Variants in LIME1 observed in about 807,000 individuals in gnomAD.
LIME1 encodes Lck interacting transmembrane adaptor 1.
In LIME1, 23 loss-of-function variants were observed where a neutral mutation model predicts 18.8. The observed-to-expected ratio is 1.22, with a 90% CI of 0.88 to 1.73. LIME1 has a LOEUF of 1.73. Ranked by LOEUF, LIME1 falls within the 40% of genes most tolerant of loss-of-function variation. The pLI, the probability that LIME1 is intolerant of heterozygous loss-of-function variation, is 0.00. For synonymous variants in LIME1, 177 were observed against 182.3 expected, an observed-to-expected ratio of 0.97 and a Z score of 0.23; for missense variants, 423 against 396.8, an observed-to-expected ratio of 1.07 and a Z score of -0.56.
upstream of LIME1, chr20:63,735,757 G>A (rs754634330): frequency 5.7e-6 from 9 of 1,576,226 alleles, no homozygotes; most frequent in South Asian, 2.3e-5. Flanking sequence ...AGGACCCCAC[G>A]CTGACTAGTG....
Position 63,738,172 on chromosome 20 carries a change from C to G in LIME1, c.269-11C>G. The G allele has an allele frequency of 6.4e-7, 1 of 1,556,584 alleles. No individual in the cohort carries two copies. Among genetic ancestry groups the G allele is most frequent in the Non-Finnish European group, 8.6e-7 (1 of 1,156,214 alleles). Reference sequence around the variant, plus strand: ...TGCCCGGAGTGAACTCTGCCCTGACCCCACCCCCAGCCCTGCGGCCTGCCA... The same window carrying G: ...TGCCCGGAGTGAACTCTGCCCTGACGCCACCCCCAGCCCTGCGGCCTGCCA... On this transcript the variant is annotated splice_polypyrimidine_tract_variant and intron_variant, in intron 4 of 5. Coordinates refer to ENST00000309546, the MANE Select transcript of LIME1 (RefSeq NM_017806.4).
chr20:63,737,395 T>TTAAAAAA, intron 1 of LIME1, 138 bp from the exon 2 acceptor site: 1 of 1,353,384 alleles, frequency 7.4e-7, no homozygotes. Flanking sequence ...CTGCCAGGCC[T>TTAAAAAA]TGGGGCTTCC....
At chr20:63,736,258 C>T, upstream of LIME1, 1 of 285,930 alleles carries the variant, frequency 3.5e-6, no homozygotes, top group East Asian at 9.4e-5. Flanking sequence ...TCCCTTCTTA[C>T]CCTTCTCTGA....
chr20:63,737,798 C>T (rs759200149), intron 2 of LIME1, 23 bp from the exon 3 acceptor site: 45 of 1,329,840 alleles, frequency 3.4e-5, no homozygotes, highest in Middle Eastern at 5.3e-4. Flanking sequence ...CCCCGCCCCC[C>T]GCCCCCCACC....
At chr20:63,736,536 C>A (rs1048188613), upstream of LIME1, 2 of 823,966 alleles carry the variant, frequency 2.4e-6, no homozygotes, top group Non-Finnish European at 1.5e-6. Context: ...AGGCTTCGGG[C>A]GGGGCGCAGC....
In LIME1 at chr20:63,738,289, G is replaced by A. The variant is rs549860076; in HGVS notation, c.375G>A (p.Leu125=). 123 of 1,573,704 alleles carry A rather than the reference G, an allele frequency of 7.8e-5. 1 individual carries two copies. The South Asian group carries it at 1.4e-3, about 18-fold the overall frequency. ...AAPSAFPHQE[L]PRALPAAAAT... ...CCTCTGCCTTCCCACACCAGGAGCT[G>A]CCCCGGGCTCTGCCGGCAGCTGCAG... The change falls in exon 5 of 6, where the codon CTG becomes CTA. Residue 125 remains leucine (L), a synonymous_variant. Transcript: ENST00000309546.
intron 2 of LIME1, 70 bp from the exon 3 acceptor site, chr20:63,737,751 G>C: frequency 7.1e-7 from 1 of 1,411,740 alleles, no homozygotes; most frequent in Non-Finnish European, 9.3e-7. Flanking sequence ...AGCTCGGCAC[G>C]CGCGCCTGCA....
upstream of LIME1, chr20:63,735,978 G>C (rs961090630): frequency 6.4e-7 from 1 of 1,568,362 alleles, no homozygotes; most frequent in East Asian, 2.3e-5. Flanking sequence ...CCCTCAGGAA[G>C]ACCAGTGTTG....
intron 4 of LIME1, 57 bp downstream of exon 4, chr20:63,738,117 A>C (rs1196517342): frequency 1.3e-6 from 2 of 1,523,608 alleles, no homozygotes; most frequent in African/African-American, 2.8e-5. Flanking sequence ...AGCGCGTGCC[A>C]ACCCCTGGGC....
At position 63,738,779 on chromosome 20, in the gene LIME1, G is replaced by A; in HGVS notation, c.767G>A (p.Ser256Asn). 6.2e-7 allele frequency: 1 copy of A among 1,612,988 alleles called. No homozygotes were observed. Among genetic ancestry groups the A allele is most frequent in the Non-Finnish European group, 8.5e-7 (1 of 1,179,940 alleles). The change falls in exon 6 of 6, where the codon AGC becomes AAC. Residue 256 changes from serine to asparagine, a missense_variant. Transcript: ENST00000309546. ...DSGPLENVYE[S>N]IRELGDPAGR... ...GGCCCCCTGGAAAACGTGTATGAGA[G>A]CATCCGGGAGCTGGGGGACCCTGCT... is the stretch of plus-strand genomic sequence containing the variant.
At position 63,737,573 on chromosome 20, in the gene LIME1, C is replaced by T. The variant is rs773248118; in HGVS notation, c.24C>T (p.Ala8=). Reference sequence around the variant, plus strand: ...GGATGGGGCTGCCAGTGTCCTGGGCCCCTCCTGCCCTCTGGGTTCTAGGGT... The same window carrying T: ...GGATGGGGCTGCCAGTGTCCTGGGCTCCTCCTGCCCTCTGGGTTCTAGGGT... MGLPVSW[A]PPALWVLGCC... The change falls in exon 2 of 6, where the codon GCC becomes GCT. Residue 8 remains alanine (A), a synonymous_variant. Coordinates refer to ENST00000309546, the MANE Select transcript of LIME1 (RefSeq NM_017806.4). 1.9e-6 allele frequency: 3 copies of T among 1,599,582 alleles called. No individual in the cohort carries two copies.
chr20:63,737,286 G>A (rs2092001424), intron 1 of LIME1: 1 of 1,245,880 alleles, frequency 8.0e-7, no homozygotes, highest in Non-Finnish European at 1.0e-6. Flanking sequence ...GGGTGTTACC[G>A]TGGTCACCCG....
At chr20:63,736,533 G>C (rs1030840205), upstream of LIME1, 5 of 811,806 alleles carry the variant, frequency 6.2e-6, no homozygotes, top group African/African-American at 1.9e-5. Flanking sequence ...TCTAGGCTTC[G>C]GGCGGGGCGC....
chr20:63,737,151 C>A, intron 1 of LIME1: 19 of 1,008,114 alleles, frequency 1.9e-5, no homozygotes, highest in Non-Finnish European at 2.1e-5. Context: ...GAGACCATGT[C>A]TGGGCAGAGG....
At position 63,737,872 on chromosome 20, in the gene LIME1, G is replaced by A. The variant is rs2092011490; in HGVS notation, c.150G>A (p.Arg50=). ...AGAGGGCGCGGAGGCAGCGGGCGAG[G>A]CTGCAGGGCAGTGCGACGGCGGCGG... ...PRKRARRQRA[R]LQGSATAAEA... Residue 50 remains arginine (R), a synonymous_variant, in exon 3 of 6, where the codon AGG becomes AGA. Coordinates refer to ENST00000309546, the MANE Select transcript of LIME1 (RefSeq NM_017806.4). 5.1e-6 allele frequency: 8 copies of A among 1,576,064 alleles called. No homozygotes were observed. Among genetic ancestry groups the A allele is most frequent in the Non-Finnish European group, 6.0e-6 (7 of 1,167,734 alleles).
Position 63,737,534 on chromosome 20 carries a change from GCCT to G in LIME1, c.-14_-12del, listed in dbSNP as rs1273890215. 6.5e-7 allele frequency: 1 copy of G among 1,531,938 alleles called. No homozygotes were observed. The highest frequency in any genetic ancestry group is 8.7e-7 in the Non-Finnish European group (1 of 1,143,122). 94.9% of individuals were successfully genotyped at this position (1,531,938 alleles called of 1,614,324 possible). On this transcript the variant is annotated splice_region_variant and 5_prime_UTR_variant, in exon 2 of 6. Coordinates refer to ENST00000309546, the MANE Select transcript of LIME1 (RefSeq NM_017806.4). ...AGCGCCCCTTTCTTCTGTCCCCAGG[GCCT>G]CGGCTTCACAGGATGGGGCTGCCAG...
At chr20:63,738,543 T>C in intron 5 of LIME1, 44 bp downstream of exon 5, 1 of 1,509,908 alleles carries the variant, frequency 6.6e-7, no homozygotes, top group Non-Finnish European at 8.8e-7. Context: ...GGCCGGCAGA[T>C]CCTCAGCAGG....
chr20:63,737,646 A>T lies in LIME1; in HGVS notation c.97A>T (p.Arg33Trp), dbSNP rs1462658023. Reference protein sequence around the residue: ...SLWALCTACRRPEDAVAPRKR... With the variant: ...SLWALCTACRWPEDAVAPRKR... ...GTGGGCGCTGTGCACAGCCTGCCGC[A>T]GGTAGGTCCCTCAGCCGCGTTCTGT... The change falls in exon 2 of 6, where the codon AGG becomes TGG. Residue 33 changes from arginine to tryptophan, a missense_variant and splice_region_variant. Physicochemically the swap from Arg to Trp is moderately radical, Grantham distance 101 (BLOSUM62 -3). Transcript: ENST00000309546. 1 of 1,583,448 alleles carries T rather than the reference A, an allele frequency of 6.3e-7. No individual in the cohort carries two copies. The highest frequency in any genetic ancestry group is 2.3e-5 in the East Asian group (1 of 42,958).
Position 63,738,937 on chromosome 20 carries a change from G to A in LIME1, c.*37G>A, listed in dbSNP as rs1199522819. ...CCTGTGCTCCTTCCTCCAGAGTGAG[G>A]CCCGTCCCCCGCCCCGCCCCGCCTC... On this transcript the variant is annotated 3_prime_UTR_variant, in exon 6 of 6. Transcript: ENST00000309546. 2.3e-5 allele frequency: 33 copies of A among 1,462,176 alleles called. No individual in the cohort carries two copies. Among genetic ancestry groups the A allele is most frequent in the Non-Finnish European group, 3.0e-5 (33 of 1,100,404 alleles). 90.6% of individuals were successfully genotyped at this position (1,462,176 alleles called of 1,614,324 possible). A position where few individuals can be genotyped will look rare whatever the true frequency, so the allele number is the denominator to read the frequency against.
Sources: gnomAD v4.1 joint callset for allele counts on GRCh38, gnomAD v4.1.1 for gene constraint, MANE v1.5 for transcripts, NCBI Gene and HGNC (gene_info 2026-07-23, HGNC 2026-07-21) for gene names.